Variants in THEMIS observed in about 807,000 individuals in gnomAD.
The protein encoded by THEMIS is thymocyte selection associated.
Under a neutral mutation model 52.6 loss-of-function variants are expected in THEMIS, and 37 were observed. The ratio of observed to expected loss-of-function variants is 0.70; its 90% confidence interval spans 0.54 to 0.93. The LOEUF is 0.93. THEMIS is among the 40% of genes least tolerant of loss of function. The pLI is 0.00. For missense variants in THEMIS, 808 were observed against 763.1 expected (o/e 1.06, Z -0.69); for synonymous variants, 292 against 272.7 (o/e 1.07, Z -0.70).
intron 4 of THEMIS, among the ~76,000 whole-genome samples, chr6:127,756,239 A>G (rs887396535): frequency 9.2e-5 from 14 of 152,284 alleles, no homozygotes; most frequent in African/African-American, 3.4e-4. Flanking sequence ...CTTAATCTGT[A>G]GATCAATGCC....
At chr6:127,887,919 C>T (rs571946239) in intron 1 of THEMIS, among the ~76,000 whole-genome samples, 39 of 152,012 alleles carry the variant, frequency 2.6e-4, no homozygotes, top group East Asian at 5.8e-4. Context: ...CTAACTTATA[C>T]GTAAGAAAGA....
At chr6:127,723,348 T>C (rs1185660409) in intron 4 of THEMIS, among the ~76,000 whole-genome samples, 1 of 151,812 alleles carries the variant, frequency 6.6e-6, no homozygotes, top group Non-Finnish European at 1.5e-5. Context: ...CTTCTTTTGG[T>C]TTCTGATGTT....
upstream of THEMIS, among the ~76,000 whole-genome samples, chr6:127,905,048 G>A (rs76670968): frequency 5.7e-3 from 863 of 152,040 alleles, 8 homozygotes; most frequent in Non-Finnish European, 9.5e-3. Flanking sequence ...GAGTCCCAAC[G>A]TGAGAGGAGA....
chr6:127,840,775 A>T (rs191637224), intron 2 of THEMIS, among the ~76,000 whole-genome samples: 5 of 152,196 alleles, frequency 3.3e-5, no homozygotes, highest in African/African-American at 7.2e-5. Context: ...ACTAAAAATA[A>T]ATGACTTATT....
chr6:127,884,846 C>T (rs1454372537), intron 1 of THEMIS, among the ~76,000 whole-genome samples: 1 of 152,166 alleles, frequency 6.6e-6, no homozygotes, highest in African/African-American at 2.4e-5. Context: ...TGCATACTGA[C>T]GCCTTCTCTC....
chr6:127,857,704 C>A (rs1056860516), intron 1 of THEMIS, among the ~76,000 whole-genome samples: 2 of 151,984 alleles, frequency 1.3e-5, no homozygotes, highest in African/African-American at 4.8e-5. Flanking sequence ...GAATCTTAGA[C>A]CCCAGACCTA....
chr6:127,895,963 C>CA (rs536508615), intron 1 of THEMIS, among the ~76,000 whole-genome samples: 1,629 of 149,322 alleles, frequency 0.011, 16 homozygotes, highest in Middle Eastern at 0.031. Flanking sequence ...AACATTCTAA[C>CA]AAAAAAAAAT....
intron 1 of THEMIS, among the ~76,000 whole-genome samples, chr6:127,868,243 T>C (rs754682009): frequency 6.6e-6 from 1 of 152,170 alleles, no homozygotes; most frequent in Non-Finnish European, 1.5e-5. Context: ...TTTACCATTA[T>C]TATTTTACAT....
At chr6:127,739,922 C>T (rs1256894909) in intron 4 of THEMIS, among the ~76,000 whole-genome samples, 1 of 152,162 alleles carries the variant, frequency 6.6e-6, no homozygotes, top group East Asian at 1.9e-4. Flanking sequence ...GGCTGACATT[C>T]GCTGGCGTGC....
Position 127,728,512 on chromosome 6 carries a change from A to G in THEMIS, c.1759-8689T>C, listed in dbSNP as rs566288170. 9.8e-5 allele frequency among the ~76,000 whole-genome samples: 15 copies of G among 152,326 alleles called. 1 individual carries two copies. In the South Asian group the frequency reaches 2.9e-3, roughly 29 times the overall value. On this transcript the variant is annotated intron_variant, in intron 4 of 5. Transcript: ENST00000368248. ...TCGTGACTTACCAGCTTAAATTACTAGCTTTCAAATATTAACATAAAAGAT... is the reference window on the plus strand; with the variant it reads ...TCGTGACTTACCAGCTTAAATTACTGGCTTTCAAATATTAACATAAAAGAT...
intron 1 of THEMIS, among the ~76,000 whole-genome samples, chr6:127,858,047 T>A (rs956508706): frequency 1.3e-5 from 2 of 152,120 alleles, no homozygotes; most frequent in African/African-American, 4.8e-5. Flanking sequence ...ACTGATTATC[T>A]AATTGTAAAT....
Position 127,719,831 on chromosome 6 carries a change from G to T in THEMIS, c.1759-8C>A, listed in dbSNP as rs376417850. ...TATGTCTACGTGATGACGCTGAAAT[G>T]ACACAGGTCACAAGTAAATTATCAG... On this transcript the variant is annotated splice_polypyrimidine_tract_variant and splice_region_variant and intron_variant, in intron 4 of 5. Transcript: ENST00000368248. 2.1e-5 allele frequency: 34 copies of T among 1,610,390 alleles called. No individual in the cohort carries two copies. In the African/African-American group the frequency reaches 4.1e-4, roughly 20 times the overall value.
chr6:127,867,021 T>C (rs1026460444), intron 1 of THEMIS, among the ~76,000 whole-genome samples: 3 of 151,428 alleles, frequency 2.0e-5, no homozygotes, highest in Non-Finnish European at 4.4e-5. Flanking sequence ...AAGAAAAAAG[T>C]TTTCTGTGCT....
At chr6:127,717,165 C>T (rs2114475638) in intron 5 of THEMIS, among the ~76,000 whole-genome samples, 1 of 151,324 alleles carries the variant, frequency 6.6e-6, no homozygotes, top group African/African-American at 2.4e-5. Flanking sequence ...ATTATGTACT[C>T]TACTAACTTT....
At chr6:127,812,420 T>C (rs1777938096) in intron 4 of THEMIS, among the ~76,000 whole-genome samples, 1 of 152,264 alleles carries the variant, frequency 6.6e-6, no homozygotes, top group African/African-American at 2.4e-5. Flanking sequence ...TTTCTGCACA[T>C]AAAACAAAAT....
intron 1 of THEMIS, among the ~76,000 whole-genome samples, chr6:127,888,629 T>C (rs1780715055): frequency 6.6e-6 from 1 of 152,020 alleles, no homozygotes; most frequent in African/African-American, 2.4e-5. Flanking sequence ...ACCATGCACA[T>C]GTGTTTTTCT....
chr6:127,736,391 A>T (rs1187699670), intron 4 of THEMIS, among the ~76,000 whole-genome samples: 1 of 152,152 alleles, frequency 6.6e-6, no homozygotes, highest in Non-Finnish European at 1.5e-5. Flanking sequence ...CCACTCCCAC[A>T]TTCACTTTGA....
intron 1 of THEMIS, among the ~76,000 whole-genome samples, chr6:127,862,612 G>C (rs1342218364): frequency 1.3e-5 from 2 of 151,276 alleles, no homozygotes; most frequent in African/African-American, 4.9e-5. Context: ...TAGAGACAGG[G>C]TTTCACCTTG....
At chr6:127,863,963 G>T (rs184753699) in intron 1 of THEMIS, among the ~76,000 whole-genome samples, 35 of 152,218 alleles carry the variant, frequency 2.3e-4, no homozygotes, top group Middle Eastern at 3.4e-3. Flanking sequence ...TTCTTCCCCT[G>T]TGTCCCTTCT....
Sources: gnomAD v4.1 joint callset for allele counts (sites outside exome capture counted in the v4.1 genomes callset) on GRCh38, gnomAD v4.1.1 for gene constraint, MANE v1.5 for transcripts, NCBI Gene and HGNC (gene_info 2026-07-23, HGNC 2026-07-21) for gene names.